CTDSP2: variants seen among roughly 807,000 people sequenced by gnomAD.
CTDSP2 encodes carboxy-terminal domain RNA polymerase II polypeptide A small phosphatase 2.
In CTDSP2, 9 loss-of-function variants were observed where a neutral mutation model predicts 31.6. The ratio of observed to expected loss-of-function variants is 0.28; its 90% CI spans 0.17 to 0.50. CTDSP2 has a LOEUF of 0.50. Ranked by LOEUF, CTDSP2 falls within the 20% of genes least tolerant of loss-of-function variation. The pLI is 0.98. For synonymous variants in CTDSP2, 134 were observed against 134.5 expected (o/e 1.00, Z 0.03); for missense variants, 267 against 348.5 (o/e 0.77, Z 1.86).
chr12:57,835,516 T>C (rs922140049), intron 1 of CTDSP2, among the ~76,000 whole-genome samples: 1 of 152,198 alleles, frequency 6.6e-6, no homozygotes, highest in Non-Finnish European at 1.5e-5. Context: ...CTCCAGCGGA[T>C]GCCATGTAGC....
At chr12:57,829,250 T>C (rs1267239087) in intron 2 of CTDSP2, among the ~76,000 whole-genome samples, 198 bp downstream of exon 2, 1 of 152,076 alleles carries the variant, frequency 6.6e-6, no homozygotes, top group Non-Finnish European at 1.5e-5. Flanking sequence ...CACAGTGACA[T>C]GTGAATGGCC....
chr12:57,824,381 T>A, intron 5 of CTDSP2, 62 bp from the exon 6 acceptor site: 1 of 1,201,172 alleles, frequency 8.3e-7, no homozygotes, highest in Middle Eastern at 1.9e-4. Flanking sequence ...CAGTACTGGG[T>A]ACCTTCACCA....
chr12:57,827,460 C>T, intron 3 of CTDSP2, 92 bp downstream of exon 3: 2 of 1,396,786 alleles, frequency 1.4e-6, no homozygotes, highest in Admixed American at 1.7e-5. Flanking sequence ...GCTGGCTAGG[C>T]ACCAAGGACT....
At chr12:57,824,941 G>A (rs1393995833) in intron 5 of CTDSP2, among the ~76,000 whole-genome samples, 1 of 152,152 alleles carries the variant, frequency 6.6e-6, no homozygotes, top group African/African-American at 2.4e-5. Context: ...CCATCGGTCT[G>A]CATTCTATTG....
intron 5 of CTDSP2, among the ~76,000 whole-genome samples, chr12:57,825,827 C>T (rs1956179457): frequency 6.6e-6 from 1 of 152,102 alleles, no homozygotes; most frequent in Non-Finnish European, 1.5e-5. Flanking sequence ...GATGTCTGGG[C>T]TGGGGAGGAA....
intron 1 of CTDSP2, among the ~76,000 whole-genome samples, chr12:57,839,607 A>G (rs1477563542): frequency 6.6e-6 from 1 of 151,992 alleles, no homozygotes; most frequent in Non-Finnish European, 1.5e-5. Context: ...AGTCCCAGCT[A>G]CTCAGGAGGC....
chr12:57,838,262 C>A (rs113035322), intron 1 of CTDSP2, among the ~76,000 whole-genome samples: 1 of 152,160 alleles, frequency 6.6e-6, no homozygotes, highest in Non-Finnish European at 1.5e-5. Context: ...GATCTAATAG[C>A]CCACAGGGCA....
chr12:57,838,749 G>C (rs1159777311), intron 1 of CTDSP2, among the ~76,000 whole-genome samples: 1 of 152,208 alleles, frequency 6.6e-6, no homozygotes, highest in Non-Finnish European at 1.5e-5. Flanking sequence ...CATGTGTAAG[G>C]TATGCAGCCA....
chr12:57,830,836 C>T (rs948944006), intron 1 of CTDSP2, among the ~76,000 whole-genome samples: 4 of 151,978 alleles, frequency 2.6e-5, no homozygotes, highest in Admixed American at 2.0e-4. Context: ...ACAACCTCCA[C>T]CTCCTGGGTT....
At chr12:57,834,733 G>A (rs1313958776) in intron 1 of CTDSP2, among the ~76,000 whole-genome samples, 8 of 152,202 alleles carry the variant, frequency 5.3e-5, no homozygotes, top group Non-Finnish European at 1.2e-4. Context: ...CCATCTGTGT[G>A]TGATGGGGAG....
chr12:57,825,019 T>A (rs1956174365), intron 5 of CTDSP2, among the ~76,000 whole-genome samples: 1 of 152,050 alleles, frequency 6.6e-6, no homozygotes, highest in South Asian at 2.1e-4. Flanking sequence ...TTCTTTTCTT[T>A]ATTTACTTAT....
chr12:57,838,571 C>G (rs933122472), intron 1 of CTDSP2, among the ~76,000 whole-genome samples: 5 of 152,220 alleles, frequency 3.3e-5, no homozygotes, highest in Non-Finnish European at 5.9e-5. Context: ...TAGGAAGAAT[C>G]CACTGCTTCT....
intron 1 of CTDSP2, among the ~76,000 whole-genome samples, chr12:57,840,519 G>A (rs1956276396): frequency 1.3e-5 from 2 of 152,156 alleles, no homozygotes; most frequent in Non-Finnish European, 2.9e-5. Flanking sequence ...TGAAAGAGGG[G>A]TCCTAGCTCT....
At chr12:57,826,948 CAAG>C (rs1281802521) in intron 4 of CTDSP2, 45 bp downstream of exon 4, 2 of 1,414,772 alleles carry the variant, frequency 1.4e-6, no homozygotes, top group African/African-American at 2.8e-5. Context: ...GCCAGATTCA[CAAG>C]AAGGCCCAAG....
intron 4 of CTDSP2, 47 bp from the exon 5 acceptor site, chr12:57,826,449 A>T (rs764306328): frequency 1.3e-6 from 2 of 1,581,220 alleles, no homozygotes; most frequent in African/African-American, 2.7e-5. Context: ...GCAAAGAAAC[A>T]TGAGGCCCCC....
At chr12:57,836,330 C>G (rs1484677674) in intron 1 of CTDSP2, among the ~76,000 whole-genome samples, 4 of 152,234 alleles carry the variant, frequency 2.6e-5, no homozygotes, top group African/African-American at 9.6e-5. Context: ...TTCATCCCCA[C>G]TACTCTCAAG....
intron 1 of CTDSP2, among the ~76,000 whole-genome samples, chr12:57,839,672 C>T (rs866042186): frequency 2.0e-4 from 30 of 151,906 alleles, no homozygotes; most frequent in Non-Finnish European, 2.6e-4. Flanking sequence ...GAGCTGAGAT[C>T]GAGATCGCGC....
intron 1 of CTDSP2, among the ~76,000 whole-genome samples, chr12:57,835,850 G>T (rs1956244603): frequency 1.3e-5 from 2 of 152,214 alleles, no homozygotes; most frequent in Admixed American, 1.3e-4. Context: ...CTGGGGTCCA[G>T]GCTCTGCCAG....
At chr12:57,826,526 C>A in intron 4 of CTDSP2, 124 bp from the exon 5 acceptor site, 1 of 826,446 alleles carries the variant, frequency 1.2e-6, no homozygotes, top group African/African-American at 1.7e-5. Context: ...CTGGCCACCT[C>A]ATTAAGGGGT....
Sources: gnomAD v4.1 joint callset for allele counts (sites outside exome capture counted in the v4.1 genomes callset) on GRCh38, gnomAD v4.1.1 for gene constraint, MANE v1.5 for transcripts, NCBI Gene and HGNC (gene_info 2026-07-23, HGNC 2026-07-21) for gene names.